CEACAM19: variants seen among roughly 807,000 people sequenced by gnomAD.
CEACAM19 encodes CEA cell adhesion molecule 19, also known as cell adhesion molecule CEACAM19.
CEACAM19 carries 37 observed loss-of-function variants against 37.6 expected under a neutral mutation model. The ratio of observed to expected loss-of-function variants is 0.98; its 90% confidence interval spans 0.76 to 1.29. CEACAM19 has a LOEUF of 1.29. Ranked by LOEUF, CEACAM19 falls within the 50% of genes most tolerant of loss-of-function variation. CEACAM19 has a pLI of 0.00. For synonymous variants in CEACAM19, 140 were observed against 149.8 expected, an observed-to-expected ratio of 0.93 and a Z score of 0.48; for missense variants, 340 against 375.6, an observed-to-expected ratio of 0.91 and a Z score of 0.78.
chr19:44,683,790 C>A lies in CEACAM19; in HGVS notation c.*300C>A. 3.0e-6 allele frequency: 1 copy of A among 335,564 alleles called. No individual in the cohort carries two copies. Among genetic ancestry groups the A allele is most frequent in the East Asian group, 4.5e-5 (1 of 22,256 alleles). The allele number at this position is 335,564 out of a possible 1,614,324, so 20.8% of individuals were successfully genotyped here. A position where few individuals can be genotyped will look rare whatever the true frequency, so the allele number is the denominator to read the frequency against. ...CTCTGGCCCCTTTCCATGCCAAAGT[C>A]CCCCAAGATCTGGATATCTGGGGAC... On this transcript the variant is annotated 3_prime_UTR_variant, in exon 8 of 8. Transcript: ENST00000358777.
Position 44,672,819 on chromosome 19 carries a change from C to T in CEACAM19, c.279C>T (p.Ala93=). Residue 93 remains alanine (A), a synonymous_variant, in exon 2 of 8, where the codon GCC becomes GCT. Coordinates refer to ENST00000358777, the MANE Select transcript of CEACAM19 (RefSeq NM_001127893.3). Reference sequence around the variant, plus strand: ...AACGGCCTCAGAGGGATGGCAGTGCCATGGGACAGCGAGACATCGTGGGCT... The same window carrying T: ...AACGGCCTCAGAGGGATGGCAGTGCTATGGGACAGCGAGACATCGTGGGCT... ...GIQRPQRDGS[A]MGQRDIVGFP... 2 of 1,598,304 alleles carry T rather than the reference C, an allele frequency of 1.3e-6. No homozygotes were observed. The highest frequency in any genetic ancestry group is 1.7e-6 in the Non-Finnish European group (2 of 1,171,122).
chr19:44,671,971 A>T lies in CEACAM19; in HGVS notation c.40A>T (p.Ser14Cys). 1 of 1,606,276 alleles carries T rather than the reference A, an allele frequency of 6.2e-7. No homozygotes were observed. Among genetic ancestry groups the T allele is most frequent in the Non-Finnish European group, 8.5e-7 (1 of 1,176,536 alleles). ...PMGTQGCFSKSLLLSASILVL... is the reference protein window; with the variant it reads ...PMGTQGCFSKCLLLSASILVL... ...GGGGACCCAGGGCTGCTTCTCAAAG[A>T]GCCTCCTGCTCTCAGGTAAGGAGGA... The change falls in exon 1 of 8, where the codon AGC becomes TGC. Residue 14 changes from serine (S) to cysteine (C), a missense_variant. Transcript: ENST00000358777.
At chr19:44,670,798 A>AC (rs1295275567), upstream of CEACAM19, among the ~76,000 whole-genome samples, 5 of 147,828 alleles carry the variant, frequency 3.4e-5, no homozygotes, top group Non-Finnish European at 6.0e-5. Context: ...AAAAAAAAAA[A>AC]AAAAAAAAAA....
At chr19:44,682,825 T>C in intron 7 of CEACAM19, 1 of 530,822 alleles carries the variant, frequency 1.9e-6, no homozygotes, top group Non-Finnish European at 3.4e-6. Flanking sequence ...AGGCTGCAAT[T>C]TCCTTCTTTG....
chr19:44,681,758 C>T (rs1002880418), intron 6 of CEACAM19, among the ~76,000 whole-genome samples: 12 of 151,544 alleles, frequency 7.9e-5, no homozygotes, highest in Admixed American at 2.6e-4. Flanking sequence ...GGTGAAACCC[C>T]GTCTCTACTA....
At chr19:44,683,162 C>A in intron 7 of CEACAM19, 1 of 388,456 alleles carries the variant, frequency 2.6e-6, no homozygotes, top group East Asian at 4.0e-5. Context: ...AGATGCATCT[C>A]TTTACATGTC....
chr19:44,676,447 C>T, intron 3 of CEACAM19, 26 bp downstream of exon 3: 1 of 1,610,810 alleles, frequency 6.2e-7, no homozygotes, highest in East Asian at 2.2e-5. Flanking sequence ...GTGTCCCTCT[C>T]CTGTCTGCTC....
chr19:44,681,194 G>T, intron 5 of CEACAM19, 33 bp from the exon 6 acceptor site: 1 of 1,521,938 alleles, frequency 6.6e-7, no homozygotes, highest in Non-Finnish European at 9.1e-7. Flanking sequence ...GGGCCCATGT[G>T]TCAGCTGGTA....
At position 44,671,646 on chromosome 19, in the gene CEACAM19, G is replaced by A. The variant is rs1973856248; in HGVS notation, c.-286G>A. On this transcript the variant is annotated 5_prime_UTR_variant, in exon 1 of 8. In the 5' UTR this introduces an upstream ATG that the reference lacks. Coordinates refer to ENST00000358777, the MANE Select transcript of CEACAM19 (RefSeq NM_001127893.3). ...GTGACTGCTGTTGTAGTCACGCTGA[G>A]TGAGAAAAAGAGGTTGAAGAGGGTC... 2.1e-6 allele frequency: 1 copy of A among 469,376 alleles called. No individual in the cohort carries two copies. The highest frequency in any genetic ancestry group is 3.8e-6 in the Non-Finnish European group (1 of 264,134). 29.1% of individuals were successfully genotyped at this position (469,376 alleles called of 1,614,324 possible). A position where few individuals can be genotyped will look rare whatever the true frequency, so the allele number is the denominator to read the frequency against.
At chr19:44,677,060 G>C (rs969323434) in intron 3 of CEACAM19, among the ~76,000 whole-genome samples, 1 of 152,070 alleles carries the variant, frequency 6.6e-6, no homozygotes, top group African/African-American at 2.4e-5. Flanking sequence ...GCTCTCCCCT[G>C]TTGCCACAAG....
upstream of CEACAM19, among the ~76,000 whole-genome samples, chr19:44,668,029 A>G (rs1279829315): frequency 1.2e-5 from 1 of 86,264 alleles, no homozygotes; most frequent in Non-Finnish European, 2.0e-5. Flanking sequence ...TATAGTATAT[A>G]TTATATATTT....
At chr19:44,671,125 CTTT>C (rs112662657), upstream of CEACAM19, among the ~76,000 whole-genome samples, 2 of 143,260 alleles carry the variant, frequency 1.4e-5, no homozygotes, top group Non-Finnish European at 1.5e-5. Context: ...AGGCTAAGAG[CTTT>C]TTTTTTTTTT....
At chr19:44,680,205 G>A in intron 4 of CEACAM19, 83 bp from the exon 5 acceptor site, 1 of 1,152,080 alleles carries the variant, frequency 8.7e-7, no homozygotes. Flanking sequence ...GGACCTGGTG[G>A]GATTTCCAGC....
intron 3 of CEACAM19, 111 bp downstream of exon 3, chr19:44,676,532 T>C (rs1475305914): frequency 9.6e-7 from 1 of 1,046,738 alleles, no homozygotes; most frequent in Non-Finnish European, 1.4e-6. Flanking sequence ...CATCAAATCT[T>C]GGAACTCCTG....
At chr19:44,682,272 G>C (rs1974074279) in intron 6 of CEACAM19, among the ~76,000 whole-genome samples, 1 of 152,172 alleles carries the variant, frequency 6.6e-6, no homozygotes, top group South Asian at 2.1e-4. Context: ...TGAAAAATAA[G>C]AGAAACATAA....
At chr19:44,667,845 TATACAATA>T (rs1973758258), upstream of CEACAM19, among the ~76,000 whole-genome samples, 1 of 69,736 alleles carries the variant, frequency 1.4e-5, no homozygotes, top group African/African-American at 6.8e-5. Flanking sequence ...ATATATAATA[TATACAATA>T]TATATAAATT....
At chr19:44,666,469 A>G (rs954534632) in intron 1 of CEACAM19, among the ~76,000 whole-genome samples, 31 of 152,214 alleles carry the variant, frequency 2.0e-4, no homozygotes, top group Admixed American at 2.0e-3. Flanking sequence ...CAGGAGTTCG[A>G]GACCAGCCTG....
At chr19:44,683,176 G>A (rs1023392323) in intron 7 of CEACAM19, 2 of 365,924 alleles carry the variant, frequency 5.5e-6, no homozygotes, top group African/African-American at 2.1e-5. Context: ...ACATGTCTTC[G>A]TTTCTCTGCA....
At chr19:44,672,189 A>G (rs1416872371) in intron 1 of CEACAM19, among the ~76,000 whole-genome samples, 2 of 152,144 alleles carry the variant, frequency 1.3e-5, no homozygotes, top group African/African-American at 2.4e-5. Flanking sequence ...GCAGGAATTT[A>G]TGTATGTTTG....
Sources: allele counts gnomAD v4.1 joint callset (sites outside exome capture counted in the v4.1 genomes callset), GRCh38; gene constraint gnomAD v4.1.1; transcripts MANE v1.5; gene names NCBI Gene and HGNC (gene_info 2026-07-23, HGNC 2026-07-21).